SEL1L3: variants seen among roughly 807,000 people sequenced by gnomAD.
SEL1L3 encodes SEL1L family member 3.
Under a neutral mutation model 142.8 loss-of-function variants are expected in SEL1L3, and 76 were observed. That is an observed-to-expected ratio of 0.53 (90% confidence interval 0.44 to 0.64). The LOEUF is 0.64. SEL1L3 is among the 30% of genes least tolerant of loss of function. SEL1L3 has a pLI of 0.00. For synonymous variants in SEL1L3, 504 were observed against 519.6 expected (o/e 0.97, Z 0.41); for missense variants, 1,262 against 1,381.7 (o/e 0.91, Z 1.37).
At chr4:25,821,948 C>A in intron 7 of SEL1L3, 48 bp downstream of exon 7, 1 of 1,591,390 alleles carries the variant, frequency 6.3e-7, no homozygotes, top group Non-Finnish European at 8.6e-7. Context: ...CTGAGGCCCA[C>A]ACCCATCACC....
chr4:25,808,935 T>C (rs1298566622), intron 9 of SEL1L3, among the ~76,000 whole-genome samples: 4 of 118,272 alleles, frequency 3.4e-5, no homozygotes, highest in African/African-American at 1.3e-4. Context: ...TAGCAGGGTG[T>C]GGTGGCGAGT....
chr4:25,745,033 T>G (rs867315160), downstream of SEL1L3, among the ~76,000 whole-genome samples: 1 of 134,724 alleles, frequency 7.4e-6, no homozygotes, highest in African/African-American at 3.4e-5. Context: ...TTGTTTGTTT[T>G]TTAAGAAATT....
At chr4:25,827,185 G>A (rs1715150953) in intron 6 of SEL1L3, among the ~76,000 whole-genome samples, 1 of 152,090 alleles carries the variant, frequency 6.6e-6, no homozygotes, top group African/African-American at 2.4e-5. Flanking sequence ...TTACTGTTGA[G>A]TTAAATTGTG....
chr4:25,733,063 A>AT, the SEL1L3 span, among the ~76,000 whole-genome samples: 108 of 146,516 alleles, frequency 7.4e-4, no homozygotes, highest in South Asian at 1.9e-3. Context: ...TAACTTTGTT[A>AT]TTTTTTTTTT....
chr4:25,763,298 A>G (rs2109131312), intron 20 of SEL1L3, among the ~76,000 whole-genome samples: 1 of 152,340 alleles, frequency 6.6e-6, no homozygotes, highest in South Asian at 2.1e-4. Context: ...AGAAATGATA[A>G]CAGAATAGAT....
intron 6 of SEL1L3, among the ~76,000 whole-genome samples, chr4:25,822,372 G>A (rs1714821002): frequency 6.6e-6 from 1 of 152,158 alleles, no homozygotes; most frequent in Non-Finnish European, 1.5e-5. Flanking sequence ...CTTCTCCTGT[G>A]TCAAATGATA....
chr4:25,809,745 T>TA (rs942758762), intron 9 of SEL1L3, among the ~76,000 whole-genome samples: 30 of 152,306 alleles, frequency 2.0e-4, no homozygotes, highest in South Asian at 6.2e-4. Flanking sequence ...TGTATTTTTT[T>TA]AAAAAAACTA....
chr4:25,771,382 T>C (rs1719178710), intron 17 of SEL1L3, among the ~76,000 whole-genome samples: 2 of 152,228 alleles, frequency 1.3e-5, no homozygotes, highest in East Asian at 3.8e-4. Context: ...ACACATTTGC[T>C]ATCCTCCTTT....
At chr4:25,714,413 A>G in the SEL1L3 span, among the ~76,000 whole-genome samples, 1 of 152,218 alleles carries the variant, frequency 6.6e-6, no homozygotes, top group Non-Finnish European at 1.5e-5. Flanking sequence ...GTCTGCTGGG[A>G]TGAAAAGGAT....
chr4:25,860,221 G>A (rs971178716), intron 1 of SEL1L3, among the ~76,000 whole-genome samples: 1 of 152,174 alleles, frequency 6.6e-6, no homozygotes, highest in Non-Finnish European at 1.5e-5. Flanking sequence ...CACAATGTAA[G>A]CTATCGTTAT....
chr4:25,757,788 C>G lies in SEL1L3; in HGVS notation c.3086G>C (p.Cys1029Ser), dbSNP rs758023317. Residue 1029 changes from cysteine (C) to serine (S), a missense_variant and splice_region_variant, in exon 22 of 24, where the codon TGC becomes TCC. This residue lies in a region of SEL1L3 where 138 missense variants were observed against 129.7 expected (regional missense o/e 1.06). Coordinates refer to ENST00000399878, the MANE Select transcript of SEL1L3 (RefSeq NM_015187.5). Reference protein sequence around the residue: ...ISILQELYERCWSHSNEESFS... With the variant: ...ISILQELYERSWSHSNEESFS... ...GGACTCCTCGTTACTGTGGCTCCAG[C>G]ACCTGCAGACAAAGCCCAGGGCATC... The G allele has an allele frequency of 6.4e-7, 1 of 1,571,368 alleles. No individual in the cohort carries two copies. The highest frequency in any genetic ancestry group is 1.2e-5 in the South Asian group (1 of 85,364).
chr4:25,779,227 T>A (rs1177045296), intron 15 of SEL1L3, 24 bp from the exon 16 acceptor site: 2 of 1,610,648 alleles, frequency 1.2e-6, no homozygotes, highest in African/African-American at 2.7e-5. Context: ...TGAACAAACA[T>A]CGAGTCATCC....
At chr4:25,736,057 C>T in the SEL1L3 span, among the ~76,000 whole-genome samples, 1 of 151,790 alleles carries the variant, frequency 6.6e-6, no homozygotes, top group Non-Finnish European at 1.5e-5. Context: ...TCTCCATCTC[C>T]TGACCTCGTG....
chr4:25,779,022 A>C, intron 16 of SEL1L3, 54 bp downstream of exon 16: 8 of 1,532,062 alleles, frequency 5.2e-6, no homozygotes, highest in Non-Finnish European at 6.2e-6. Context: ...GCTCAGGCAC[A>C]GAGAATATAG....
chr4:25,835,159 C>G, intron 3 of SEL1L3, 38 bp downstream of exon 3: 2 of 1,610,274 alleles, frequency 1.2e-6, no homozygotes, highest in Non-Finnish European at 1.7e-6. Flanking sequence ...ATAAAACAAG[C>G]ACCGCCCGAT....
At chr4:25,822,615 A>T (rs1038660189) in intron 6 of SEL1L3, among the ~76,000 whole-genome samples, 2 of 152,218 alleles carry the variant, frequency 1.3e-5, no homozygotes, top group Admixed American at 6.5e-5. Context: ...GGAAAGCCAA[A>T]AGCGTAGACT....
At chr4:25,834,323 C>T (rs548548730) in intron 3 of SEL1L3, among the ~76,000 whole-genome samples, 2 of 152,264 alleles carry the variant, frequency 1.3e-5, no homozygotes, top group South Asian at 2.1e-4. Flanking sequence ...CCCTTGATAC[C>T]GCACACAATG....
chr4:25,799,153 C>T (rs972645314), intron 11 of SEL1L3, among the ~76,000 whole-genome samples: 1 of 152,182 alleles, frequency 6.6e-6, no homozygotes, highest in African/African-American at 2.4e-5. Flanking sequence ...CAGCTCACTA[C>T]AGCCTCCGCC....
At chr4:25,824,386 C>T (rs1354888046) in intron 6 of SEL1L3, among the ~76,000 whole-genome samples, 1 of 152,172 alleles carries the variant, frequency 6.6e-6, no homozygotes. Context: ...CTGCCTAGAG[C>T]TTACTGTCTA....
Sources: allele counts gnomAD v4.1 joint callset (sites outside exome capture counted in the v4.1 genomes callset), GRCh38; gene constraint gnomAD v4.1.1; regional missense constraint gnomAD v4.1.1; transcripts MANE v1.5; gene names NCBI Gene and HGNC (gene_info 2026-07-23, HGNC 2026-07-21).